Variants in SLC16A9 observed in about 807,000 individuals in gnomAD.
The protein encoded by SLC16A9 is solute carrier family 16 member 9, also known as monocarboxylate transporter 9.
A neutral mutation model predicts 44.3 loss-of-function variants in SLC16A9; 26 were observed. The ratio of observed to expected loss-of-function variants is 0.59; its 90% CI spans 0.43 to 0.81. The LOEUF (loss-of-function observed/expected upper bound fraction) is 0.81, where lower values mean the gene tolerates loss of function less well. Among genes scored for constraint, SLC16A9 ranks in the 40% least tolerant of loss-of-function variants. The pLI, the probability that SLC16A9 is intolerant of heterozygous loss-of-function variation, is 0.00. For synonymous variants in SLC16A9, 230 were observed against 225.1 expected (o/e 1.02, Z -0.19); for missense variants, 559 against 595.8 (o/e 0.94, Z 0.64).
chr10:59,657,685 A>T (rs1434685328), intron 4 of SLC16A9, among the ~76,000 whole-genome samples: 1 of 152,248 alleles, frequency 6.6e-6, no homozygotes, highest in Non-Finnish European at 1.5e-5. Context: ...ACACAAATAC[A>T]TTTGGACATT....
At chr10:59,672,158 A>G (rs1378663543) in intron 3 of SLC16A9, among the ~76,000 whole-genome samples, 3 of 152,154 alleles carry the variant, frequency 2.0e-5, no homozygotes, top group Non-Finnish European at 4.4e-5. Context: ...TGACATGACA[A>G]GGATATCTTC....
chr10:59,660,006 T>G (rs1301098921), intron 4 of SLC16A9, among the ~76,000 whole-genome samples: 1 of 152,162 alleles, frequency 6.6e-6, no homozygotes, highest in Non-Finnish European at 1.5e-5. Flanking sequence ...AAGCAGTGTT[T>G]ACAGGAAAAT....
chr10:59,668,929 T>G (rs980943479), intron 3 of SLC16A9, among the ~76,000 whole-genome samples: 1 of 152,166 alleles, frequency 6.6e-6, no homozygotes, highest in African/African-American at 2.4e-5. Context: ...CAGGAAATGC[T>G]CTTTATCTCA....
At chr10:59,672,192 C>T (rs1279025327) in intron 3 of SLC16A9, among the ~76,000 whole-genome samples, 1 of 152,074 alleles carries the variant, frequency 6.6e-6, no homozygotes, top group Non-Finnish European at 1.5e-5. Flanking sequence ...ACTCTAAGGC[C>T]CTGCGCCTCC....
intron 1 of SLC16A9, among the ~76,000 whole-genome samples, chr10:59,702,654 C>G (rs1840550431): frequency 6.6e-6 from 1 of 152,224 alleles, no homozygotes; most frequent in Non-Finnish European, 1.5e-5. Context: ...AAGCAAATAA[C>G]ACATCCCAGC....
At chr10:59,677,658 A>G (rs1186923232) in intron 2 of SLC16A9, among the ~76,000 whole-genome samples, 1 of 152,226 alleles carries the variant, frequency 6.6e-6, no homozygotes, top group East Asian at 1.9e-4. Context: ...TAAGAGGAAG[A>G]AAAACCAAGG....
At chr10:59,701,846 C>T (rs1038964474) in intron 1 of SLC16A9, among the ~76,000 whole-genome samples, 3 of 152,230 alleles carry the variant, frequency 2.0e-5, no homozygotes, top group Admixed American at 2.0e-4. Flanking sequence ...TCTACTCTTC[C>T]TTCAAGACTG....
Position 59,664,315 on chromosome 10 carries a change from T to G in SLC16A9, c.348A>C (p.Gly116=), listed in dbSNP as rs774155806. 2 of 1,608,290 alleles carry G rather than the reference T, an allele frequency of 1.2e-6. No individual in the cohort carries two copies. The highest frequency in any genetic ancestry group is 1.1e-5 in the South Asian group (1 of 90,252). Residue 116 remains glycine, a synonymous_variant, in exon 4 of 6, where the codon GGA becomes GGC. Transcript: ENST00000395348. ...CTGTTGCAGTGTATAATAAACCACATCCAAGACCTAAGCATGAGAAGACAT... is the reference window on the plus strand; with the variant it reads ...CTGTTGCAGTGTATAATAAACCACAGCCAAGACCTAAGCATGAGAAGACAT... ...FFSYGIVVGL[G]CGLLYTATVT...
intron 3 of SLC16A9, among the ~76,000 whole-genome samples, chr10:59,665,739 A>C (rs1469897341): frequency 6.6e-6 from 1 of 152,208 alleles, no homozygotes; most frequent in Non-Finnish European, 1.5e-5. Context: ...GTTTTATTGT[A>C]AATAATGCAA....
At chr10:59,675,070 A>C (rs1375356238) in intron 2 of SLC16A9, among the ~76,000 whole-genome samples, 1 of 152,228 alleles carries the variant, frequency 6.6e-6, no homozygotes, top group Non-Finnish European at 1.5e-5. Context: ...ACAGGGTTTA[A>C]AATTCTCTAC....
intron 3 of SLC16A9, among the ~76,000 whole-genome samples, chr10:59,665,430 A>C (rs184318533): frequency 6.6e-6 from 1 of 152,344 alleles, no homozygotes; most frequent in East Asian, 1.9e-4. Context: ...GGAAATCAGC[A>C]CTTAACCCAT....
At chr10:59,694,082 C>A (rs1001142136) in intron 1 of SLC16A9, among the ~76,000 whole-genome samples, 1 of 152,062 alleles carries the variant, frequency 6.6e-6, no homozygotes, top group Non-Finnish European at 1.5e-5. Context: ...GGACTACAGG[C>A]GCCCGCCACC....
At chr10:59,680,301 TCA>T (rs1053345518) in intron 2 of SLC16A9, among the ~76,000 whole-genome samples, 9 of 152,212 alleles carry the variant, frequency 5.9e-5, no homozygotes, top group African/African-American at 1.9e-4. Flanking sequence ...TCATGTCTTT[TCA>T]CAGTTGTAAT....
chr10:59,704,663 T>C (rs1177626154), intron 1 of SLC16A9, among the ~76,000 whole-genome samples: 1 of 152,198 alleles, frequency 6.6e-6, no homozygotes, highest in Admixed American at 6.5e-5. Context: ...GGTATCATCA[T>C]CTCCCTGTGT....
chr10:59,660,120 C>T (rs190412952), intron 4 of SLC16A9, among the ~76,000 whole-genome samples: 4 of 152,022 alleles, frequency 2.6e-5, no homozygotes, highest in Admixed American at 6.6e-5. Flanking sequence ...CAAATTCAAA[C>T]GCTAGCATGA....
At chr10:59,703,921 G>T (rs1564715608) in intron 1 of SLC16A9, among the ~76,000 whole-genome samples, 1 of 151,728 alleles carries the variant, frequency 6.6e-6, no homozygotes, top group East Asian at 1.9e-4. Context: ...ACGGGGTTTC[G>T]CCCTGTTAGC....
intron 3 of SLC16A9, among the ~76,000 whole-genome samples, chr10:59,669,204 GA>G (rs1348790399): frequency 6.6e-6 from 1 of 152,174 alleles, no homozygotes; most frequent in African/African-American, 2.4e-5. Context: ...GAAATTATTA[GA>G]AAGAGGCTTG....
At chr10:59,653,599 C>T in intron 5 of SLC16A9, 76 bp downstream of exon 5, 2 of 1,264,022 alleles carry the variant, frequency 1.6e-6, no homozygotes, top group South Asian at 2.8e-5. Flanking sequence ...GCTACTATTA[C>T]AATCTGGACC....
intron 1 of SLC16A9, among the ~76,000 whole-genome samples, chr10:59,694,335 T>C (rs922539835): frequency 6.6e-6 from 1 of 152,168 alleles, no homozygotes; most frequent in African/African-American, 2.4e-5. Flanking sequence ...CTTTCATGTT[T>C]CTGACTACTA....
Sources: gnomAD v4.1 joint callset for allele counts (sites outside exome capture counted in the v4.1 genomes callset) on GRCh38, gnomAD v4.1.1 for gene constraint, MANE v1.5 for transcripts, NCBI Gene and HGNC (gene_info 2026-07-23, HGNC 2026-07-21) for gene names.